INHBE: variants seen among roughly 807,000 people sequenced by gnomAD.
The protein encoded by INHBE is inhibin beta E chain.
Under a neutral mutation model 27.8 loss-of-function variants are expected in INHBE, and 19 were observed. The observed-to-expected ratio is 0.68, with a 90% CI of 0.48 to 1.00. The LOEUF is 1.00. INHBE is among the 50% of genes least tolerant of loss of function. The pLI is 0.00. For missense variants in INHBE, 398 were observed against 433.9 expected, an observed-to-expected ratio of 0.92 and a Z score of 0.73; for synonymous variants, 196 against 187.2, an observed-to-expected ratio of 1.05 and a Z score of -0.38.
At position 57,455,324 on chromosome 12, in the gene INHBE, TGTGAGG is replaced by T; in HGVS notation, c.-210_-205del. 2 of 583,096 alleles carry T rather than the reference TGTGAGG, an allele frequency of 3.4e-6. No homozygotes were observed. Among genetic ancestry groups the T allele is most frequent in the South Asian group, 2.1e-5 (1 of 48,746 alleles). 36.1% of individuals were successfully genotyped at this position (583,096 alleles called of 1,614,324 possible). On this transcript the variant is annotated 5_prime_UTR_variant, in exon 1 of 2. Coordinates refer to ENST00000266646, the MANE Select transcript of INHBE (RefSeq NM_031479.5). ...CCCAGGTCAGTAGCCAGACATGAGC[TGTGAGG>T]GTCAAGCACAGCTATCCATCAGATG... is the stretch of plus-strand genomic sequence containing the variant.
chr12:57,456,327 T>C lies in INHBE; in HGVS notation c.532T>C (p.Leu178=), dbSNP rs1286406143. Residue 178 remains leucine, a synonymous_variant, in exon 2 of 2, where the codon TTG becomes CTG. Transcript: ENST00000266646. ...TACCTTAACTCTGCCCTCTAGTGGCTTGAGGGGTGAGAAGTCTGGTGTCCT... is the reference window on the plus strand; with the variant it reads ...TACCTTAACTCTGCCCTCTAGTGGCCTGAGGGGTGAGAAGTCTGGTGTCCT... ...WHTLTLPSSG[L]RGEKSGVLKL... 5.6e-6 allele frequency: 9 copies of C among 1,614,096 alleles called. No individual in the cohort carries two copies. Among genetic ancestry groups the C allele is most frequent in the Non-Finnish European group, 7.6e-6 (9 of 1,180,010 alleles).
rs1342927948 is a variant in INHBE at position 57,456,648 on chromosome 12, G to A, written c.853G>A (p.Ala285Thr). 6.2e-7 allele frequency: 1 copy of A among 1,614,098 alleles called. No individual in the cohort carries two copies. Among genetic ancestry groups the A allele is most frequent in the African/African-American group, 1.3e-5 (1 of 74,932 alleles). The change falls in exon 2 of 2, where the codon GCT (alanine) becomes ACT (threonine). Residue 285 changes from alanine (A) to threonine (T), a missense_variant. Physicochemically the swap from Ala to Thr is moderately conservative, Grantham distance 58. Coordinates refer to ENST00000266646, the MANE Select transcript of INHBE (RefSeq NM_031479.5). ...CAGTGGGCAGTGCCCTCCCCACCTG[G>A]CTGGCAGCCCAGGCATTGCTGCCTC... ...YCSGQCPPHL[A>T]GSPGIAASFH...
chr12:57,456,554 C>A lies in INHBE; in HGVS notation c.759C>A (p.Tyr253Ter), dbSNP rs146517777. ...CCTTATGTTGCAGGCGAGACCATTACGTAGACTTCCAGGAACTGGGATGGC... is the reference window on the plus strand; with the variant it reads ...CCTTATGTTGCAGGCGAGACCATTAAGTAGACTTCCAGGAACTGGGATGGC... Reference protein sequence around the residue: ...ATPLCCRRDHYVDFQELGWRD... With the variant: ...ATPLCCRRDH The change falls in exon 2 of 2, where the codon TAC becomes TAA. Residue 253 changes from tyrosine to a stop codon, truncating the protein, a stop_gained. Coordinates refer to ENST00000266646, the MANE Select transcript of INHBE (RefSeq NM_031479.5). LOFTEE classifies it high-confidence loss of function. 1.2e-6 allele frequency: 2 copies of A among 1,614,198 alleles called. No individual in the cohort carries two copies. Among genetic ancestry groups the A allele is most frequent in the East Asian group, 2.2e-5 (1 of 44,874 alleles).
rs1167345466 is a variant in INHBE at position 57,455,574 on chromosome 12, T to C, written c.38T>C (p.Leu13Pro). 1 of 1,613,470 alleles carries C rather than the reference T, an allele frequency of 6.2e-7. No homozygotes were observed. Reference sequence around the variant, plus strand: ...GATGTCCAGCTCTGGCTGGTGCTGCTGTGGGCACTGGTGCGAGCACAGGGG... The same window carrying C: ...GATGTCCAGCTCTGGCTGGTGCTGCCGTGGGCACTGGTGCGAGCACAGGGG... Reference protein sequence around the residue: ...LPDVQLWLVLLWALVRAQGTG... With the variant: ...LPDVQLWLVLPWALVRAQGTG... Residue 13 changes from leucine to proline, a missense_variant, in exon 1 of 2, where the codon CTG (leucine) becomes CCG (proline). Coordinates refer to ENST00000266646, the MANE Select transcript of INHBE (RefSeq NM_031479.5).
At position 57,456,560 on chromosome 12, in the gene INHBE, C is replaced by A; in HGVS notation, c.765C>A (p.Asp255Glu). Residue 255 changes from aspartate to glutamate, a missense_variant, in exon 2 of 2, where the codon GAC becomes GAA. Coordinates refer to ENST00000266646, the MANE Select transcript of INHBE (RefSeq NM_031479.5). ...PLCCRRDHYV[D>E]FQELGWRDWI... Reference sequence around the variant, plus strand: ...GTTGCAGGCGAGACCATTACGTAGACTTCCAGGAACTGGGATGGCGGGACT... The same window carrying A: ...GTTGCAGGCGAGACCATTACGTAGAATTCCAGGAACTGGGATGGCGGGACT... 6.2e-7 allele frequency: 1 copy of A among 1,614,212 alleles called. No individual in the cohort carries two copies. Among genetic ancestry groups the A allele is most frequent in the Non-Finnish European group, 8.5e-7 (1 of 1,180,046 alleles).
In INHBE at chr12:57,456,100, C is replaced by T; in HGVS notation, c.305C>T (p.Thr102Ile). The change falls in exon 2 of 2, where the codon ACT (threonine) becomes ATT (isoleucine). Residue 102 changes from threonine (T) to isoleucine (I), a missense_variant. Thr to Ile is a moderately conservative substitution (Grantham distance 89, BLOSUM62 -1). Coordinates refer to ENST00000266646, the MANE Select transcript of INHBE (RefSeq NM_031479.5). ...VISFATVTDS[T>I]SAYSSLLTFH... is the part of the protein sequence containing the mutation. ...TTTTCTGTCTTTCGGGCAGACTCCA[C>T]TTCAGCCTACAGCTCCCTGCTCACT... 1 of 1,607,314 alleles carries T rather than the reference C, an allele frequency of 6.2e-7. No homozygotes were observed. Among genetic ancestry groups the T allele is most frequent in the Non-Finnish European group, 8.5e-7 (1 of 1,175,448 alleles).
rs1300749015 is a variant in INHBE at position 57,455,978 on chromosome 12, G to A, written c.299-116G>A. 6 of 1,406,446 alleles carry A rather than the reference G, an allele frequency of 4.3e-6. No homozygotes were observed. In the Admixed American group the frequency reaches 5.9e-5, roughly 14 times the overall value. 87.1% of individuals were successfully genotyped at this position (1,406,446 alleles called of 1,614,324 possible). A position where few individuals can be genotyped will look rare whatever the true frequency, so the allele number is the denominator to read the frequency against. On this transcript the variant is annotated intron_variant, in intron 1 of 1. Coordinates refer to ENST00000266646, the MANE Select transcript of INHBE (RefSeq NM_031479.5). The stretch of plus-strand genomic sequence containing the variant: ...GACTGGTTGCAGAGGACACAAAGCA[G>A]TCTCTACTTTTCTAGAGGTAGGTTC...
intron 1 of INHBE, 50 bp from the exon 2 acceptor site, chr12:57,456,044 G>A: frequency 6.4e-7 from 1 of 1,561,450 alleles, no homozygotes; most frequent in South Asian, 1.2e-5. Flanking sequence ...TCTCAGAGGA[G>A]AGCTTCATCT....
At position 57,457,033 on chromosome 12, in the gene INHBE, C is replaced by T; in HGVS notation, c.*185C>T. The T allele has an allele frequency of 1.1e-5, 7 of 637,866 alleles. No homozygotes were observed. The highest frequency in any genetic ancestry group is 1.9e-5 in the Non-Finnish European group (7 of 374,152). The allele number at this position is 637,866 out of a possible 1,614,324, so 39.5% of individuals were successfully genotyped here. A position where few individuals can be genotyped will look rare whatever the true frequency, so the allele number is the denominator to read the frequency against. On this transcript the variant is annotated 3_prime_UTR_variant, in exon 2 of 2. Transcript: ENST00000266646. ...TCTTGTCTGAGACTCTGGCTTATTC[C>T]AGGTTGGCTGATGTGTTGGGAGATG...
chr12:57,456,435 C>T lies in INHBE; in HGVS notation c.640C>T (p.His214Tyr), dbSNP rs760033547. 1.2e-6 allele frequency: 2 copies of T among 1,614,106 alleles called. No individual in the cohort carries two copies. Among genetic ancestry groups the T allele is most frequent in the Non-Finnish European group, 1.7e-6 (2 of 1,180,004 alleles). ...GAGGCGGCTCTTGGACACAGCAGGACACCAGCAGCCCTTCCTAGAGCTTAA... is the reference window on the plus strand; with the variant it reads ...GAGGCGGCTCTTGGACACAGCAGGATACCAGCAGCCCTTCCTAGAGCTTAA... ...QPRRLLDTAG[H>Y]QQPFLELKIR... Residue 214 changes from histidine (H) to tyrosine (Y), a missense_variant, in exon 2 of 2, where the codon CAC (histidine) becomes TAC (tyrosine). By Grantham distance (83) the His-to-Tyr change is moderately conservative. Coordinates refer to ENST00000266646, the MANE Select transcript of INHBE (RefSeq NM_031479.5).
chr12:57,455,689 C>A lies in INHBE; in HGVS notation c.153C>A (p.Ile51=), dbSNP rs1236431227. The change falls in exon 1 of 2, where the codon ATC becomes ATA. Residue 51 remains isoleucine, a synonymous_variant. Transcript: ENST00000266646. ...ALVLELAKQQ[I]LDGLHLTSRP... ...TGCTGGAGCTAGCCAAGCAGCAAAT[C>A]CTGGATGGGTTGCACCTGACCAGTC... 1.2e-6 allele frequency: 2 copies of A among 1,613,972 alleles called. No individual in the cohort carries two copies. Among genetic ancestry groups the A allele is most frequent in the African/African-American group, 2.7e-5 (2 of 74,916 alleles).
rs898659812 is a variant in INHBE at position 57,455,654 on chromosome 12, C to T, written c.118C>T (p.Arg40Ter). The T allele has an allele frequency of 2.4e-5, 38 of 1,613,990 alleles. No homozygotes were observed. The highest frequency in any genetic ancestry group is 2.8e-5 in the Non-Finnish European group (33 of 1,180,012). The change falls in exon 1 of 2, where the codon CGA (arginine) becomes TGA (stop). Residue 40 changes from arginine to a stop codon, truncating the protein, a stop_gained. Transcript: ENST00000266646. LOFTEE classifies it high-confidence loss of function. ...GGSKLAPQAE[R>*]ALVLELAKQQ... The stretch of plus-strand genomic sequence containing the variant: ...CTCCAAACTGGCACCCCAAGCAGAA[C>T]GAGCTCTGGTGCTGGAGCTAGCCAA...
At position 57,456,762 on chromosome 12, in the gene INHBE, C is replaced by T. The variant is rs770320971; in HGVS notation, c.967C>T (p.Leu323Phe). 6.2e-7 allele frequency: 1 copy of T among 1,614,230 alleles called. No homozygotes were observed. The highest frequency in any genetic ancestry group is 8.5e-7 in the Non-Finnish European group (1 of 1,180,040). Residue 323 changes from leucine (L) to phenylalanine (F), a missense_variant, in exon 2 of 2, where the codon CTC (leucine) becomes TTC (phenylalanine). Coordinates refer to ENST00000266646, the MANE Select transcript of INHBE (RefSeq NM_031479.5). The stretch of plus-strand genomic sequence containing the variant: ...TTGTGTCCCTACTGCCCGAAGGCCC[C>T]TCTCTCTCCTCTACCTGGATCATAA... Reference protein sequence around the residue: ...SCCVPTARRPLSLLYLDHNGN... With the variant: ...SCCVPTARRPFSLLYLDHNGN...
At position 57,455,512 on chromosome 12, in the gene INHBE, T is replaced by C. The variant is rs1870803653; in HGVS notation, c.-25T>C. The stretch of plus-strand genomic sequence containing the variant: ...CGGAGCAACTGCCATCCGAGGCTCC[T>C]GAACCAGGGCCATTCACCAGGAGCA... On this transcript the variant is annotated 5_prime_UTR_variant, in exon 1 of 2. Coordinates refer to ENST00000266646, the MANE Select transcript of INHBE (RefSeq NM_031479.5). 8.9e-6 allele frequency: 14 copies of C among 1,581,512 alleles called. No individual in the cohort carries two copies. Among genetic ancestry groups the C allele is most frequent in the Non-Finnish European group, 1.2e-5 (14 of 1,162,034 alleles).
In INHBE at chr12:57,455,836, T is replaced by G. The variant is rs1870815919; in HGVS notation, c.298+2T>G. 1 of 1,612,234 alleles carries G rather than the reference T, an allele frequency of 6.2e-7. No homozygotes were observed. The highest frequency in any genetic ancestry group is 1.3e-5 in the African/African-American group (1 of 74,606). ...TCATCAGCTTTGCTACTGTCACAGG[T>G]GGGTGAGGGAGAGAGCAACAGGCAA... On this transcript the variant is annotated splice_donor_variant, in intron 1 of 1. Transcript: ENST00000266646. LOFTEE classifies it high-confidence loss of function.
rs372314636 is a variant in INHBE at position 57,455,495 on chromosome 12, C to T, written c.-42C>T. The stretch of plus-strand genomic sequence containing the variant: ...CAATCAGACTCAACAGACGGAGCAA[C>T]TGCCATCCGAGGCTCCTGAACCAGG... On this transcript the variant is annotated 5_prime_UTR_variant, in exon 1 of 2. Transcript: ENST00000266646. The T allele has an allele frequency of 8.1e-5, 126 of 1,559,798 alleles. No individual in the cohort carries two copies. In the Middle Eastern group the frequency reaches 2.3e-3, roughly 28 times the overall value.
At position 57,455,694 on chromosome 12, in the gene INHBE, A is replaced by T. The variant is rs1217037366; in HGVS notation, c.158A>T (p.Asp53Val). The T allele has an allele frequency of 2.5e-6, 4 of 1,613,928 alleles. No individual in the cohort carries two copies. The Admixed American group carries it at 5.0e-5, about 20-fold the overall frequency. Residue 53 changes from aspartate (D) to valine (V), a missense_variant, in exon 1 of 2, where the codon GAT becomes GTT. Coordinates refer to ENST00000266646, the MANE Select transcript of INHBE (RefSeq NM_031479.5). ...VLELAKQQIL[D>V]GLHLTSRPRI... is the part of the protein sequence containing the mutation. ...GAGCTAGCCAAGCAGCAAATCCTGG[A>T]TGGGTTGCACCTGACCAGTCGTCCC... is the stretch of plus-strand genomic sequence containing the variant.
In INHBE at chr12:57,456,872, T is replaced by A; in HGVS notation, c.*24T>A. 1 of 1,595,566 alleles carries A rather than the reference T, an allele frequency of 6.3e-7. No homozygotes were observed. Among genetic ancestry groups the A allele is most frequent in the Non-Finnish European group, 8.6e-7 (1 of 1,169,336 alleles). ...AGCAAGAGGACCTGGGGCTTTGGAGTGAAGAGACCAAGATGAAGTTTCCCA... is the reference window on the plus strand; with the variant it reads ...AGCAAGAGGACCTGGGGCTTTGGAGAGAAGAGACCAAGATGAAGTTTCCCA... On this transcript the variant is annotated 3_prime_UTR_variant, in exon 2 of 2. Transcript: ENST00000266646.
rs1418826717 is a variant in INHBE, at chr12:57,456,858, C to T, written c.*10C>T. On this transcript the variant is annotated 3_prime_UTR_variant, in exon 2 of 2. Coordinates refer to ENST00000266646, the MANE Select transcript of INHBE (RefSeq NM_031479.5). The stretch of plus-strand genomic sequence containing the variant: ...CTGTGGCTGCAGCTAGCAAGAGGAC[C>T]TGGGGCTTTGGAGTGAAGAGACCAA... 6.2e-7 allele frequency: 1 copy of T among 1,609,974 alleles called. No homozygotes were observed. Among genetic ancestry groups the T allele is most frequent in the Admixed American group, 1.7e-5 (1 of 59,806 alleles).
Sources: allele counts gnomAD v4.1 joint callset, GRCh38; gene constraint gnomAD v4.1.1; transcripts MANE v1.5; gene names NCBI Gene and HGNC (gene_info 2026-07-23, HGNC 2026-07-21).